Variants in SFMBT2 observed in about 807,000 individuals in gnomAD.
SFMBT2 encodes the protein Scm like with four mbt domains 2.
SFMBT2 carries 38 observed loss-of-function variants against 110.1 expected under a neutral mutation model. The observed-to-expected ratio is 0.35, with a 90% CI of 0.27 to 0.45. The LOEUF (loss-of-function observed/expected upper bound fraction) is 0.45. Ranked by LOEUF, SFMBT2 falls within the 20% of genes least tolerant of loss-of-function variation. SFMBT2 has a pLI of 1.00. For synonymous variants in SFMBT2, 425 were observed against 425.4 expected, an observed-to-expected ratio of 1.00 and a Z score of 0.01; for missense variants, 1,011 against 1,094.9, an observed-to-expected ratio of 0.92 and a Z score of 1.08.
At chr10:7,394,276 TA>T (rs953358619) in intron 1 of SFMBT2, among the ~76,000 whole-genome samples, 1 of 152,094 alleles carries the variant, frequency 6.6e-6, no homozygotes, top group Admixed American at 6.5e-5. Context: ...CATCTGCATA[TA>T]ATTTTGAAAG....
intron 4 of SFMBT2, among the ~76,000 whole-genome samples, chr10:7,306,927 C>G (rs1046927219): frequency 6.6e-6 from 1 of 152,068 alleles, no homozygotes; most frequent in Admixed American, 6.5e-5. Context: ...AGAGAGGAAA[C>G]AGCTAAAATT....
At chr10:7,332,195 T>C (rs140286363) in intron 4 of SFMBT2, among the ~76,000 whole-genome samples, 8 of 152,294 alleles carry the variant, frequency 5.3e-5, no homozygotes, top group Non-Finnish European at 7.4e-5. Flanking sequence ...TGTAGGTTTC[T>C]ACAGCTGAGA....
chr10:7,348,297 T>C, intron 4 of SFMBT2: 2 of 1,529,392 alleles, frequency 1.3e-6, no homozygotes, highest in Non-Finnish European at 1.8e-6. Context: ...CTAAGAAATA[T>C]GTTGAACAGA....
chr10:7,191,789 G>A (rs1419207789), intron 15 of SFMBT2, among the ~76,000 whole-genome samples: 2 of 152,154 alleles, frequency 1.3e-5, no homozygotes, highest in African/African-American at 2.4e-5. Context: ...AAGAGTAGGT[G>A]CTCTATAGAT....
chr10:7,211,971 T>C (rs1319084809), intron 11 of SFMBT2, among the ~76,000 whole-genome samples: 1 of 152,214 alleles, frequency 6.6e-6, no homozygotes, highest in African/African-American at 2.4e-5. Flanking sequence ...CAGACGGGTT[T>C]CTCTGAACCA....
intron 1 of SFMBT2, among the ~76,000 whole-genome samples, chr10:7,394,561 T>G (rs1017229412): frequency 6.5e-5 from 9 of 139,406 alleles, no homozygotes; most frequent in Non-Finnish European, 1.4e-4. Flanking sequence ...TCCCACTGCG[T>G]CCTTAGGTCT....
intron 1 of SFMBT2, among the ~76,000 whole-genome samples, chr10:7,397,887 C>T (rs1428354541): frequency 6.6e-6 from 1 of 152,220 alleles, no homozygotes; most frequent in Non-Finnish European, 1.5e-5. Context: ...CTCTCACCAG[C>T]CAACTAAGAA....
At chr10:7,207,247 CAA>C (rs1351612128) in intron 11 of SFMBT2, among the ~76,000 whole-genome samples, 3 of 151,784 alleles carry the variant, frequency 2.0e-5, no homozygotes, top group Non-Finnish European at 4.4e-5. Context: ...TAAGTCCTAG[CAA>C]CTTGGGAGGC....
intron 7 of SFMBT2, among the ~76,000 whole-genome samples, chr10:7,266,360 G>T (rs1841391652): frequency 6.6e-6 from 1 of 152,196 alleles, no homozygotes; most frequent in Non-Finnish European, 1.5e-5. Context: ...AAACTGCTGG[G>T]ATTACAGGCA....
chr10:7,249,388 G>A, intron 7 of SFMBT2: 1 of 371,178 alleles, frequency 2.7e-6, no homozygotes, highest in South Asian at 1.1e-4. Context: ...CAATAGAGGA[G>A]GTTGGCTGGA....
At chr10:7,386,047 A>G (rs913725503) in intron 1 of SFMBT2, among the ~76,000 whole-genome samples, 1 of 152,154 alleles carries the variant, frequency 6.6e-6, no homozygotes, top group African/African-American at 2.4e-5. Context: ...TCAGATTTCA[A>G]ACTTTCATAG....
intron 1 of SFMBT2, among the ~76,000 whole-genome samples, chr10:7,392,995 AT>A (rs2132108072): frequency 5.3e-5 from 3 of 56,862 alleles, no homozygotes; most frequent in African/African-American, 3.9e-4. Flanking sequence ...ATATATATAT[AT>A]ATATATATAT....
At chr10:7,317,163 T>C (rs904809488) in intron 4 of SFMBT2, among the ~76,000 whole-genome samples, 1 of 152,082 alleles carries the variant, frequency 6.6e-6, no homozygotes, top group African/African-American at 2.4e-5. Flanking sequence ...CCTGAGTGTG[T>C]GAGCCTACTC....
At position 7,171,229 on chromosome 10, in the gene SFMBT2, C is replaced by A. The variant is rs1837864129; in HGVS notation, c.2416-173G>T. On this transcript the variant is annotated intron_variant, in intron 19 of 20. Coordinates refer to ENST00000397167, the MANE Select transcript of SFMBT2 (RefSeq NM_001387889.1). This position sits in a 1 kb window ranked among gnomAD's most constrained non-coding sequence, Gnocchi z 4.9. ...TCTCAGTCCCTGAGAAAGTTCTTGG[C>A]TCAGTGATGATGCCCCCTGCAATGA... Among the ~76,000 whole-genome samples, 2 of 152,338 alleles carry A rather than the reference C, an allele frequency of 1.3e-5. No individual in the cohort carries two copies. Among genetic ancestry groups the A allele is most frequent in the Middle Eastern group, 3.4e-3 (1 of 294 alleles).
intron 4 of SFMBT2, among the ~76,000 whole-genome samples, chr10:7,290,583 C>T (rs370732737): frequency 6.6e-5 from 10 of 152,262 alleles, no homozygotes; most frequent in East Asian, 3.9e-4. Flanking sequence ...CACCTGTAAT[C>T]CCAACACTTT....
At chr10:7,342,549 C>T (rs1266909519) in intron 4 of SFMBT2, among the ~76,000 whole-genome samples, 1 of 152,070 alleles carries the variant, frequency 6.6e-6, no homozygotes, top group Middle Eastern at 3.4e-3. Flanking sequence ...GCTGGGACTA[C>T]AGGCACCCGC....
At chr10:7,177,730 G>A (rs1838114971) in intron 16 of SFMBT2, among the ~76,000 whole-genome samples, 1 of 152,018 alleles carries the variant, frequency 6.6e-6, no homozygotes, top group South Asian at 2.1e-4. Flanking sequence ...TGGGCACGGT[G>A]GGGCACTACT....
At chr10:7,402,988 T>C (rs921100809) in intron 1 of SFMBT2, among the ~76,000 whole-genome samples, 1 of 152,186 alleles carries the variant, frequency 6.6e-6, no homozygotes, top group Non-Finnish European at 1.5e-5. Flanking sequence ...AGAAAACTGA[T>C]TTATATTGAA....
chr10:7,176,430 T>C (rs1299366851), intron 16 of SFMBT2: 14 of 964,796 alleles, frequency 1.5e-5, no homozygotes, highest in Non-Finnish European at 1.7e-5. Context: ...TTTTGCTATA[T>C]ACAACTTCAT....
Sources: allele counts gnomAD v4.1 joint callset (sites outside exome capture counted in the v4.1 genomes callset), GRCh38; gene constraint gnomAD v4.1.1; non-coding constraint Gnocchi (gnomAD v3.1); transcripts MANE v1.5; gene names NCBI Gene and HGNC (gene_info 2026-07-23, HGNC 2026-07-21).